The following KIRREL3 variants were observed in gnomAD, a reference collection of about 807,000 sequenced individuals.
KIRREL3 encodes kin of IRRE-like protein 3.
In KIRREL3, 36 loss-of-function variants were observed where a neutral mutation model predicts 89.7. That is an observed-to-expected ratio of 0.40 (90% CI 0.31 to 0.53). The LOEUF is 0.53. Ranked by LOEUF, KIRREL3 falls within the 20% of genes least tolerant of loss-of-function variation. The pLI is 0.49. For synonymous variants in KIRREL3, 445 were observed against 441.4 expected, an observed-to-expected ratio of 1.01 and a Z score of -0.10; for missense variants, 864 against 1,056.6, an observed-to-expected ratio of 0.82 and a Z score of 2.53.
intron 1 of KIRREL3, among the ~76,000 whole-genome samples, chr11:126,633,011 G>A (rs1009119762): frequency 6.6e-6 from 1 of 152,006 alleles, no homozygotes; most frequent in Non-Finnish European, 1.5e-5. Flanking sequence ...AGAATCACTT[G>A]AACCTGGGAG....
intron 1 of KIRREL3, among the ~76,000 whole-genome samples, chr11:126,881,082 G>A (rs1231874030): frequency 6.6e-6 from 1 of 152,162 alleles, no homozygotes; most frequent in Admixed American, 6.5e-5. Context: ...AAATAAGCAG[G>A]CAGCTTGATA....
intron 1 of KIRREL3, among the ~76,000 whole-genome samples, chr11:126,986,232 C>T (rs1311917678): frequency 6.6e-6 from 1 of 152,050 alleles, no homozygotes; most frequent in Non-Finnish European, 1.5e-5. Context: ...AAAAAAGAGG[C>T]CCAGATGCCT....
intron 1 of KIRREL3, among the ~76,000 whole-genome samples, chr11:126,950,443 G>A (rs2135145086): frequency 6.6e-6 from 1 of 152,110 alleles, no homozygotes; most frequent in Non-Finnish European, 1.5e-5. Flanking sequence ...ACAATACCAA[G>A]GCTGACCTCT....
chr11:126,605,923 C>T lies in KIRREL3; in HGVS notation c.56-43011G>A, dbSNP rs1399771650. On this transcript the variant is annotated intron_variant, in intron 1 of 16. Transcript: ENST00000525144. This position sits in a 1 kb window ranked among gnomAD's most constrained non-coding sequence, Gnocchi z 5.7. The stretch of plus-strand genomic sequence containing the variant: ...ACCTTGGAGGTTCCTCCTGTTCATT[C>T]TCTGCCTCAGGGAAGTGACACACAG... Among the ~76,000 whole-genome samples, 2 of 152,226 alleles carry T rather than the reference C, an allele frequency of 1.3e-5. No homozygotes were observed. The highest frequency in any genetic ancestry group is 2.9e-5 in the Non-Finnish European group (2 of 68,046).
intron 1 of KIRREL3, among the ~76,000 whole-genome samples, chr11:126,927,466 G>A (rs529611829): frequency 1.3e-5 from 2 of 152,220 alleles, no homozygotes; most frequent in Non-Finnish European, 2.9e-5. Context: ...GTTTGTACTA[G>A]GCTTACATTT....
chr11:126,863,441 GTGAGTGTGTGTGTT>G (rs1169172325), intron 1 of KIRREL3, among the ~76,000 whole-genome samples: 14 of 136,998 alleles, frequency 1.0e-4, no homozygotes, highest in Admixed American at 3.0e-4. Context: ...GAGTGCGTGT[GTGAGTGTGTGTGTT>G]TGAGTGCGTG....
rs1454625143 is a variant in KIRREL3 at position 126,983,395 on chromosome 11, T to C, written c.55+17060A>G. ...TTGGTTCTTGCGGTAGACAGAATAA[T>C]GGCCGCCAAAGATGCCCATGTCCTA... On this transcript the variant is annotated intron_variant, in intron 1 of 16. Transcript: ENST00000525144. This position sits in a 1 kb window ranked among gnomAD's most constrained non-coding sequence, Gnocchi z 4.9. Among the ~76,000 whole-genome samples the C allele has an allele frequency of 3.3e-5, 5 of 152,220 alleles. No individual in the cohort carries two copies. Among genetic ancestry groups the C allele is most frequent in the Admixed American group, 3.3e-4 (5 of 15,290 alleles).
intron 1 of KIRREL3, among the ~76,000 whole-genome samples, chr11:126,907,971 C>T (rs186635921): frequency 6.6e-6 from 1 of 152,248 alleles, no homozygotes; most frequent in Admixed American, 6.5e-5. Context: ...CATACATCAC[C>T]TTTTCAACAA....
intron 1 of KIRREL3, among the ~76,000 whole-genome samples, chr11:126,767,967 G>C (rs1477480463): frequency 6.6e-6 from 1 of 152,220 alleles, no homozygotes; most frequent in Non-Finnish European, 1.5e-5. Context: ...GTCCCCATCA[G>C]CTACCATAGG....
Position 126,994,194 on chromosome 11 carries a change from T to C in KIRREL3, c.55+6261A>G, listed in dbSNP as rs1950115595. Among the ~76,000 whole-genome samples the C allele has an allele frequency of 6.6e-6, 1 of 151,064 alleles. No individual in the cohort carries two copies. On this transcript the variant is annotated intron_variant, in intron 1 of 16. Coordinates refer to ENST00000525144, the MANE Select transcript of KIRREL3 (RefSeq NM_032531.4). The surrounding 1 kb of genome is among the most constrained non-coding windows in gnomAD (Gnocchi z 5.2). ...CACTGATTTAACATTAAGTGGTGTG[T>C]GCGTGTGTGTGTGTGTATGTGTTCA...
rs1235001410 is a variant in KIRREL3 at position 126,523,171 on chromosome 11, C to T, written c.284-1707G>A. ...AGGTATCCAACAAGGATCTGGGATG[C>T]CAGAGAGTGTAGTGAGGTCCCCATC... On this transcript the variant is annotated intron_variant, in intron 3 of 16. Transcript: ENST00000525144. The surrounding 1 kb of genome is among the most constrained non-coding windows in gnomAD (Gnocchi z 4.9). Among the ~76,000 whole-genome samples, 2 of 152,090 alleles carry T rather than the reference C, an allele frequency of 1.3e-5. No homozygotes were observed. The highest frequency in any genetic ancestry group is 4.8e-5 in the African/African-American group (2 of 41,414).
intron 1 of KIRREL3, among the ~76,000 whole-genome samples, chr11:126,793,171 T>C (rs1950700280): frequency 7.8e-6 from 1 of 127,804 alleles, no homozygotes; most frequent in African/African-American, 3.0e-5. Flanking sequence ...GACAAGATAA[T>C]GACCTTTTTA....
intron 1 of KIRREL3, among the ~76,000 whole-genome samples, chr11:126,702,821 G>A (rs1947362434): frequency 6.6e-6 from 1 of 152,146 alleles, no homozygotes; most frequent in Non-Finnish European, 1.5e-5. Flanking sequence ...TGAGGCCTGT[G>A]GTCCCCTGAA....
Position 126,553,871 on chromosome 11 carries a change from T to G in KIRREL3, c.133+8964A>C, listed in dbSNP as rs756160406. 6.6e-6 allele frequency among the ~76,000 whole-genome samples: 1 copy of G among 152,198 alleles called. No homozygotes were observed. Among genetic ancestry groups the G allele is most frequent in the African/African-American group, 2.4e-5 (1 of 41,448 alleles). The stretch of plus-strand genomic sequence containing the variant: ...TTCCATCACTATTAGGAAAACAGCA[T>G]GCAATTCAGCTCATATGCAGACCTG... On this transcript the variant is annotated intron_variant, in intron 2 of 16. Transcript: ENST00000525144. The surrounding 1 kb of genome is among the most constrained non-coding windows in gnomAD (Gnocchi z 4.7).
rs1592148740 is a variant in KIRREL3 at position 126,802,176 on chromosome 11, T to G, written c.55+198279A>C. 6.6e-6 allele frequency among the ~76,000 whole-genome samples: 1 copy of G among 152,194 alleles called. No individual in the cohort carries two copies. Among genetic ancestry groups the G allele is most frequent in the Admixed American group, 6.5e-5 (1 of 15,294 alleles). ...TGTCGTTTACCAGGTGCCTTAACCATCTGCTTGCAGTTTTTCTTCCTTTCT... is the reference window on the plus strand; with the variant it reads ...TGTCGTTTACCAGGTGCCTTAACCAGCTGCTTGCAGTTTTTCTTCCTTTCT... On this transcript the variant is annotated intron_variant, in intron 1 of 16. Transcript: ENST00000525144. This position sits in a 1 kb window ranked among gnomAD's most constrained non-coding sequence, Gnocchi z 5.2.
rs1385665516 is a variant in KIRREL3 at position 126,628,569 on chromosome 11, T to C, written c.56-65657A>G. On this transcript the variant is annotated intron_variant, in intron 1 of 16. Coordinates refer to ENST00000525144, the MANE Select transcript of KIRREL3 (RefSeq NM_032531.4). This position sits in a 1 kb window ranked among gnomAD's most constrained non-coding sequence, Gnocchi z 5.2. ...TTCATAGTTTCTTTCAGCAACTTGTTCTATTGCCAACCTTTCTATAAGCCT... is the reference window on the plus strand; with the variant it reads ...TTCATAGTTTCTTTCAGCAACTTGTCCTATTGCCAACCTTTCTATAAGCCT... Among the ~76,000 whole-genome samples, 1 of 152,204 alleles carries C rather than the reference T, an allele frequency of 6.6e-6. No homozygotes were observed. The highest frequency in any genetic ancestry group is 1.5e-5 in the Non-Finnish European group (1 of 68,044).
chr11:126,465,083 G>C (rs1275122096), intron 5 of KIRREL3, among the ~76,000 whole-genome samples: 1 of 152,044 alleles, frequency 6.6e-6, no homozygotes, highest in African/African-American at 2.4e-5. Context: ...GTGTGTGTGG[G>C]GGTGCACTTC....
rs561989691 is a variant in KIRREL3, at chr11:126,824,929, T to A, written c.55+175526A>T. ...AAGATCTTGAGGCCCACAAGGAATT[T>A]CCTCTCCTAGTGGACAAATTGTGAG... On this transcript the variant is annotated intron_variant, in intron 1 of 16. Coordinates refer to ENST00000525144, the MANE Select transcript of KIRREL3 (RefSeq NM_032531.4). Among the ~76,000 whole-genome samples, 4 of 152,322 alleles carry A rather than the reference T, an allele frequency of 2.6e-5. No individual in the cohort carries two copies. The East Asian group carries it at 7.7e-4, about 29-fold the overall frequency.
At chr11:126,464,186 AACCC>A (rs1189461702) in intron 5 of KIRREL3, among the ~76,000 whole-genome samples, 11 of 152,178 alleles carry the variant, frequency 7.2e-5, no homozygotes, top group Non-Finnish European at 1.2e-4. Flanking sequence ...GTGAGCCTTA[AACCC>A]AATGACTGGT....
Sources: allele counts gnomAD v4.1 joint callset (sites outside exome capture counted in the v4.1 genomes callset), GRCh38; gene constraint gnomAD v4.1.1; non-coding constraint Gnocchi (gnomAD v3.1); transcripts MANE v1.5; gene names NCBI Gene and HGNC (gene_info 2026-07-23, HGNC 2026-07-21).